The following KCMF1 variants were observed in gnomAD, a reference collection of about 807,000 sequenced individuals.
The protein encoded by KCMF1 is potassium channel modulatory factor 1, also known as E3 ubiquitin-protein ligase KCMF1.
In KCMF1, 3 loss-of-function variants were observed where a neutral mutation model predicts 41.1. The ratio of observed to expected loss-of-function variants is 0.07; its 90% CI spans 0.03 to 0.19. The LOEUF (loss-of-function observed/expected upper bound fraction) is 0.19, where lower values mean the gene tolerates loss of function less well. Among genes scored for constraint, KCMF1 ranks in the 10% least tolerant of loss-of-function variants. The pLI is 1.00. For missense variants in KCMF1, 286 were observed against 488.9 expected (o/e 0.58, Z 3.91); for synonymous variants, 142 against 164.5 (o/e 0.86, Z 1.04).
At chr2:84,978,700 C>A (rs1469523338) in intron 1 of KCMF1, among the ~76,000 whole-genome samples, 1 of 151,954 alleles carries the variant, frequency 6.6e-6, no homozygotes, top group Non-Finnish European at 1.5e-5. Context: ...CATGTACCAC[C>A]ATGCCTGGCT....
chr2:85,038,516 C>T (rs932079827), intron 3 of KCMF1, among the ~76,000 whole-genome samples: 2 of 152,218 alleles, frequency 1.3e-5, no homozygotes, highest in Admixed American at 6.5e-5. Context: ...GTAGGATCAA[C>T]TAATACTTTT....
chr2:84,973,150 G>T (rs1480394669), intron 1 of KCMF1, among the ~76,000 whole-genome samples: 5 of 152,156 alleles, frequency 3.3e-5, no homozygotes, highest in Non-Finnish European at 1.5e-5. Context: ...TTGAAAACTG[G>T]GAGGGTTAGT....
chr2:85,030,819 T>C (rs903132698), intron 2 of KCMF1, among the ~76,000 whole-genome samples: 2 of 152,116 alleles, frequency 1.3e-5, no homozygotes, highest in Non-Finnish European at 2.9e-5. Flanking sequence ...CCCTCAGCCT[T>C]CCAAGTAATT....
At chr2:84,973,825 C>CTTTTTTTTTTTTTTTTTTTTTTTTTTTT (rs1238178193) in intron 1 of KCMF1, among the ~76,000 whole-genome samples, 2 of 110,278 alleles carry the variant, frequency 1.8e-5, no homozygotes, top group African/African-American at 3.5e-5. Flanking sequence ...TTATTTCTTT[C>CTTTTTTTTTTTTTTTTTTTTTTTTTTTT]TTTTTTTTTT....
intron 1 of KCMF1, among the ~76,000 whole-genome samples, chr2:85,014,256 T>C (rs1273351641): frequency 6.6e-6 from 1 of 152,070 alleles, no homozygotes; most frequent in Non-Finnish European, 1.5e-5. Flanking sequence ...TCTTAAAAAA[T>C]AAGAAGTCAA....
chr2:85,021,363 C>T (rs1030142889), intron 1 of KCMF1, among the ~76,000 whole-genome samples: 4 of 152,194 alleles, frequency 2.6e-5, no homozygotes, highest in Non-Finnish European at 5.9e-5. Context: ...GTGGCTCACG[C>T]GTGTAATCCC....
At chr2:85,028,560 G>C (rs1177840939) in intron 2 of KCMF1, among the ~76,000 whole-genome samples, 1 of 126,410 alleles carries the variant, frequency 7.9e-6, no homozygotes, top group African/African-American at 3.1e-5. Flanking sequence ...CGTGATCTCA[G>C]CTCGCTGCAA....
In KCMF1 at chr2:84,979,996, A is replaced by AT. The variant is rs754834197; in HGVS notation, c.16+8543dup. Among the ~76,000 whole-genome samples the AT allele has an allele frequency of 9.7e-3, 1,306 of 135,308 alleles. 11 individuals carry two copies. The highest frequency in any genetic ancestry group is 0.025 in the African/African-American group (938 of 36,816). The allele number at this position is 135,308 out of a possible 152,430, so 88.8% of individuals were successfully genotyped here. A position where few individuals can be genotyped will look rare whatever the true frequency, so the allele number is the denominator to read the frequency against. On this transcript the variant is annotated intron_variant, in intron 1 of 6. Transcript: ENST00000409785. ...CGCCACCACGCCCGGCTAATTTTGT[A>AT]TTTTTTTTTTTTTTGTAGTAGAGAT...
At chr2:85,031,421 T>C (rs767725791) in intron 2 of KCMF1, among the ~76,000 whole-genome samples, 2 of 152,232 alleles carry the variant, frequency 1.3e-5, no homozygotes, top group African/African-American at 2.4e-5. Flanking sequence ...TTTTATCTTA[T>C]AGTGGTACAA....
chr2:85,010,896 T>G (rs2104003843), intron 1 of KCMF1, among the ~76,000 whole-genome samples: 1 of 151,054 alleles, frequency 6.6e-6, no homozygotes, highest in South Asian at 2.1e-4. Flanking sequence ...CAAGCTGGAG[T>G]GCAGTGGCAT....
intron 1 of KCMF1, among the ~76,000 whole-genome samples, chr2:84,986,616 G>A (rs145838843): frequency 0.011 from 1,613 of 152,032 alleles, 30 homozygotes; most frequent in African/African-American, 0.037. Context: ...GGTGGCTCAC[G>A]CCTGTAATCC....
chr2:85,003,143 T>C (rs1242086975), intron 1 of KCMF1, among the ~76,000 whole-genome samples: 1 of 152,210 alleles, frequency 6.6e-6, no homozygotes, highest in Non-Finnish European at 1.5e-5. Context: ...TGAATTGTTT[T>C]ATCCAAAGGC....
intron 4 of KCMF1, among the ~76,000 whole-genome samples, chr2:85,045,726 G>A (rs1675650330): frequency 6.6e-6 from 1 of 152,220 alleles, no homozygotes; most frequent in African/African-American, 2.4e-5. Context: ...TTTCTGCTTA[G>A]CAGCGGCATT....
chr2:85,053,631 C>T lies in KCMF1; in HGVS notation c.*222C>T. 3.9e-6 allele frequency: 2 copies of T among 508,132 alleles called. No individual in the cohort carries two copies. Among genetic ancestry groups the T allele is most frequent in the Non-Finnish European group, 6.9e-6 (2 of 289,694 alleles). The allele number at this position is 508,132 out of a possible 1,614,324, so 31.5% of individuals were successfully genotyped here. ...GTAGGTAGCAGTGCAGGGGTGATCT[C>T]TGCTTCCTGTACCTTGACATGCAAA... On this transcript the variant is annotated 3_prime_UTR_variant, in exon 7 of 7. Coordinates refer to ENST00000409785, the MANE Select transcript of KCMF1 (RefSeq NM_020122.5).
At chr2:85,028,178 GAAAT>G (rs558035437) in intron 2 of KCMF1, 122 bp downstream of exon 2, 6 of 621,904 alleles carry the variant, frequency 9.6e-6, no homozygotes, top group South Asian at 4.6e-5. Context: ...CATTAAACAT[GAAAT>G]AAATCTTACT....
intron 1 of KCMF1, among the ~76,000 whole-genome samples, chr2:84,985,934 C>G (rs1191507891): frequency 6.6e-6 from 1 of 152,074 alleles, no homozygotes; most frequent in Non-Finnish European, 1.5e-5. Flanking sequence ...TATTCTGATG[C>G]AGTAGTCACA....
intron 1 of KCMF1, among the ~76,000 whole-genome samples, chr2:84,980,890 C>G (rs1351912679): frequency 1.3e-5 from 2 of 152,112 alleles, no homozygotes; most frequent in African/African-American, 2.4e-5. Flanking sequence ...ATCCTCTTGC[C>G]TCGGCCTCAC....
chr2:84,984,328 T>G (rs981079385), intron 1 of KCMF1, among the ~76,000 whole-genome samples: 17 of 152,238 alleles, frequency 1.1e-4, no homozygotes, highest in African/African-American at 3.4e-4. Flanking sequence ...CTCAAACTCC[T>G]GAGCTCAAGC....
chr2:85,025,216 G>A (rs971047834), intron 1 of KCMF1, among the ~76,000 whole-genome samples: 5 of 151,920 alleles, frequency 3.3e-5, no homozygotes, highest in Non-Finnish European at 7.4e-5. Context: ...CCATGAAGTT[G>A]GTATTTATAT....
Sources: gnomAD v4.1 joint callset for allele counts (sites outside exome capture counted in the v4.1 genomes callset) on GRCh38, gnomAD v4.1.1 for gene constraint, MANE v1.5 for transcripts, NCBI Gene and HGNC (gene_info 2026-07-23, HGNC 2026-07-21) for gene names.